The following AKAP19 variants were observed in gnomAD, a reference collection of about 807,000 sequenced individuals.
The protein encoded by AKAP19 is small A-kinase anchoring protein.
the AKAP19 span, among the ~76,000 whole-genome samples, chr2:190,115,608 C>T: frequency 2.0e-3 from 300 of 151,656 alleles, no homozygotes; most frequent in African/African-American, 6.2e-3. Context: ...CGTGAGCCAC[C>T]GCGCCCGGCC....
the AKAP19 span, chr2:189,930,215 C>A: frequency 4.9e-6 from 1 of 204,758 alleles, no homozygotes. Context: ...GACAACAGAT[C>A]AAAACCCCCC....
the AKAP19 span, among the ~76,000 whole-genome samples, chr2:189,935,230 A>G: frequency 6.6e-6 from 1 of 152,056 alleles, no homozygotes; most frequent in African/African-American, 2.4e-5. Context: ...AAGATTTAAT[A>G]GCTTGTTTTG....
chr2:189,985,337 A>G, the AKAP19 span, among the ~76,000 whole-genome samples: 1,831 of 152,130 alleles, frequency 0.012, 42 homozygotes, highest in African/African-American at 0.042. Context: ...ATCATTTTCC[A>G]TCTTCTTGCA....
At chr2:190,101,733 C>T in the AKAP19 span, among the ~76,000 whole-genome samples, 1 of 151,870 alleles carries the variant, frequency 6.6e-6, no homozygotes, top group Non-Finnish European at 1.5e-5. Context: ...CTTACACAGC[C>T]ACACAGTAAT....
chr2:190,072,252 C>G, the AKAP19 span, among the ~76,000 whole-genome samples: 1 of 151,918 alleles, frequency 6.6e-6, no homozygotes, highest in Non-Finnish European at 1.5e-5. Flanking sequence ...CACTGGGGAG[C>G]ACTGGAGGGA....
At chr2:190,073,070 AACAC>A in the AKAP19 span, among the ~76,000 whole-genome samples, 119 of 152,276 alleles carry the variant, frequency 7.8e-4, no homozygotes, top group African/African-American at 2.7e-3. Context: ...AAAGAGAAAA[AACAC>A]ACTAGCTTAA....
At chr2:190,152,028 C>A in the AKAP19 span, among the ~76,000 whole-genome samples, 2 of 139,358 alleles carry the variant, frequency 1.4e-5, no homozygotes, top group Non-Finnish European at 3.1e-5. Context: ...AAAAAAAAAA[C>A]AAAGAGAGGT....
At chr2:190,138,770 G>A in the AKAP19 span, among the ~76,000 whole-genome samples, 7 of 152,202 alleles carry the variant, frequency 4.6e-5, no homozygotes, top group African/African-American at 1.7e-4. Context: ...CCAAAGCCAG[G>A]AGATAGGTTT....
chr2:189,949,727 G>GTTAAAGTGA, the AKAP19 span, among the ~76,000 whole-genome samples: 1 of 149,742 alleles, frequency 6.7e-6, no homozygotes, highest in South Asian at 2.1e-4. Context: ...CGCCTCCCGG[G>GTTAAAGTGA]TTAAAGTGAT....
chr2:190,194,380 G>C, the AKAP19 span, among the ~76,000 whole-genome samples: 3 of 151,146 alleles, frequency 2.0e-5, no homozygotes, highest in Non-Finnish European at 4.4e-5. Context: ...GCATATAGTG[G>C]GTGTATTTTT....
chr2:190,112,715 GTTA>G, the AKAP19 span, among the ~76,000 whole-genome samples: 2 of 152,052 alleles, frequency 1.3e-5, no homozygotes, highest in Non-Finnish European at 2.9e-5. Flanking sequence ...ATGATGTGGT[GTTA>G]TTGTTATTAT....
chr2:190,010,767 C>A, the AKAP19 span, among the ~76,000 whole-genome samples: 3 of 152,000 alleles, frequency 2.0e-5, no homozygotes, highest in East Asian at 5.8e-4. Context: ...AAACTATAAT[C>A]GTATATATTT....
chr2:189,967,691 G>A, the AKAP19 span, among the ~76,000 whole-genome samples: 1 of 152,002 alleles, frequency 6.6e-6, no homozygotes, highest in Admixed American at 6.6e-5. Context: ...GTGCACACCT[G>A]TAGTCCCAGC....
chr2:190,196,429 T>C, the AKAP19 span, among the ~76,000 whole-genome samples: 1 of 152,106 alleles, frequency 6.6e-6, no homozygotes. Flanking sequence ...TGAGATTCTT[T>C]TTTTGTTCAC....
At chr2:190,017,291 G>A in the AKAP19 span, among the ~76,000 whole-genome samples, 1 of 152,002 alleles carries the variant, frequency 6.6e-6, no homozygotes, top group Admixed American at 6.5e-5. Flanking sequence ...TCAATCATAA[G>A]TAATGGCATA....
At chr2:190,192,724 T>C in the AKAP19 span, among the ~76,000 whole-genome samples, 1 of 152,196 alleles carries the variant, frequency 6.6e-6, no homozygotes, top group Non-Finnish European at 1.5e-5. Flanking sequence ...ACGTACACAA[T>C]ACAAAATGCA....
At chr2:189,900,320 G>A in the AKAP19 span, among the ~76,000 whole-genome samples, 1 of 151,732 alleles carries the variant, frequency 6.6e-6, no homozygotes, top group African/African-American at 2.4e-5. Flanking sequence ...GTCCAACAGA[G>A]CCTAAAGGTT....
chr2:190,003,734 C>T, the AKAP19 span, among the ~76,000 whole-genome samples: 5 of 151,872 alleles, frequency 3.3e-5, no homozygotes, highest in Non-Finnish European at 7.4e-5. Context: ...TGTGGTGGTA[C>T]GCGTCTGTAA....
the AKAP19 span, among the ~76,000 whole-genome samples, chr2:189,979,849 C>A: frequency 6.6e-6 from 1 of 152,176 alleles, no homozygotes; most frequent in Admixed American, 6.5e-5. Context: ...CAGAGAAACA[C>A]AAATTAAAAG....
Sources: allele counts gnomAD v4.1 joint callset (sites outside exome capture counted in the v4.1 genomes callset), GRCh38; gene constraint gnomAD v4.1.1; transcripts MANE v1.5; gene names NCBI Gene and HGNC (gene_info 2026-07-23, HGNC 2026-07-21).